GABRR2: variants seen among roughly 807,000 people sequenced by gnomAD.
The protein encoded by GABRR2 is gamma-aminobutyric acid type A receptor subunit rho2.
GABRR2 carries 36 observed loss-of-function variants against 47.0 expected under a neutral mutation model. The ratio of observed to expected loss-of-function variants is 0.77; its 90% confidence interval spans 0.59 to 1.01. The LOEUF (loss-of-function observed/expected upper bound fraction) is 1.01, where lower values mean the gene tolerates loss of function less well. Ranked by LOEUF, GABRR2 falls within the 50% of genes least tolerant of loss-of-function variation. The pLI is 0.00. For synonymous variants in GABRR2, 204 were observed against 227.5 expected, an observed-to-expected ratio of 0.90 and a Z score of 0.93; for missense variants, 587 against 594.6, an observed-to-expected ratio of 0.99 and a Z score of 0.13.
At chr6:89,285,813 C>T (rs952197779) in intron 2 of GABRR2, among the ~76,000 whole-genome samples, 21 of 152,068 alleles carry the variant, frequency 1.4e-4, no homozygotes, top group Middle Eastern at 6.3e-3. Flanking sequence ...CTCCCACTGG[C>T]GCGCCCCCTC....
chr6:89,256,123 G>A lies in GABRR2; in HGVS notation c.*1547C>T, dbSNP rs1773595757. On this transcript the variant is annotated 3_prime_UTR_variant, in exon 9 of 9. Coordinates refer to ENST00000402938, the MANE Select transcript of GABRR2 (RefSeq NM_002043.5). ...TTAAATTTAAATAGACATGTGGCTA[G>A]TGGCTACCATATGAGACAGCCCAGA... Among the ~76,000 whole-genome samples the A allele has an allele frequency of 6.7e-6, 1 of 149,350 alleles. No homozygotes were observed. Among genetic ancestry groups the A allele is most frequent in the Non-Finnish European group, 1.5e-5 (1 of 67,596 alleles).
At chr6:89,294,797 C>A (rs1445060277) in intron 2 of GABRR2, among the ~76,000 whole-genome samples, 3 of 121,902 alleles carry the variant, frequency 2.5e-5, no homozygotes, top group Non-Finnish European at 3.3e-5. Flanking sequence ...CCCCTCCCCC[C>A]ACCCCACAAC....
In GABRR2 at chr6:89,301,965, T is replaced by C; in HGVS notation, c.114-2100A>G. The C allele has an allele frequency of 4.7e-6, 4 of 854,142 alleles. No homozygotes were observed. In the Admixed American group the frequency reaches 5.7e-5, roughly 12 times the overall value. The allele number at this position is 854,142 out of a possible 1,614,324, so 52.9% of individuals were successfully genotyped here. ...AGGCCTCTTCTCATAAGTATGTGCC[T>C]CGGGCCATTCGTCGACCTGGAGCCC... On this transcript the variant is annotated intron_variant, in intron 1 of 8. Transcript: ENST00000402938.
At chr6:89,297,019 G>A (rs1774566427) in intron 2 of GABRR2, among the ~76,000 whole-genome samples, 1 of 151,932 alleles carries the variant, frequency 6.6e-6, no homozygotes, top group South Asian at 2.1e-4. Flanking sequence ...ACTAGCCTTG[G>A]GTAAAAAGGT....
chr6:89,285,089 G>C (rs1346133660), intron 2 of GABRR2, among the ~76,000 whole-genome samples: 6 of 152,160 alleles, frequency 3.9e-5, no homozygotes, highest in Non-Finnish European at 7.3e-5. Context: ...AATTGTGTGG[G>C]GAAACATTTC....
chr6:89,280,211 AATATATATATATATATATATAT>A (rs35295435), intron 2 of GABRR2, among the ~76,000 whole-genome samples: 1,597 of 110,434 alleles, frequency 0.014, 91 homozygotes, highest in African/African-American at 0.053. Flanking sequence ...TCTAAAAACA[AATATATATATATATATATATAT>A]ATATATATAT....
chr6:89,289,187 G>A (rs1227815931), intron 2 of GABRR2, among the ~76,000 whole-genome samples: 1 of 152,204 alleles, frequency 6.6e-6, no homozygotes, highest in Non-Finnish European at 1.5e-5. Context: ...AGATGTGCAG[G>A]GCCAGAGAGC....
At chr6:89,292,631 A>G (rs546822383) in intron 2 of GABRR2, among the ~76,000 whole-genome samples, 1 of 63,464 alleles carries the variant, frequency 1.6e-5, no homozygotes, top group Non-Finnish European at 2.8e-5. Context: ...TATATCAGAT[A>G]TATATCGTAT....
chr6:89,277,872 G>C (rs1774192656), intron 2 of GABRR2, among the ~76,000 whole-genome samples: 3 of 139,478 alleles, frequency 2.2e-5, no homozygotes, highest in African/African-American at 7.8e-5. Flanking sequence ...CGGGGGTGGG[G>C]GGGGGTGGGG....
chr6:89,285,881 C>T (rs1054478523), intron 2 of GABRR2, among the ~76,000 whole-genome samples: 16 of 151,970 alleles, frequency 1.1e-4, no homozygotes, highest in African/African-American at 3.9e-4. Flanking sequence ...CCTCTTTGAC[C>T]TCTCTCCATG....
At chr6:89,298,468 G>A (rs1371125312) in intron 2 of GABRR2, among the ~76,000 whole-genome samples, 2 of 152,144 alleles carry the variant, frequency 1.3e-5, no homozygotes, top group African/African-American at 4.8e-5. Flanking sequence ...AGGCTCAAAG[G>A]ATTGGTGACC....
intron 1 of GABRR2, 91 bp downstream of exon 1, chr6:89,314,962 G>C: frequency 5.4e-6 from 6 of 1,118,092 alleles, no homozygotes; most frequent in Non-Finnish European, 7.9e-6. Flanking sequence ...TATCTCAATA[G>C]GACCTTAGCC....
chr6:89,299,817 C>T lies in GABRR2; in HGVS notation c.162G>A (p.Lys54=), dbSNP rs777673454. The part of the protein sequence containing the change: ...NLDVTKIRKG[K]PQQLLRVDEH... Reference sequence around the variant, plus strand: ...CGTCCACTCTGAGAAGCTGCTGAGGCTTTCCCTTCCGGATCTTGGTCACAT... The same window carrying T: ...CGTCCACTCTGAGAAGCTGCTGAGGTTTTCCCTTCCGGATCTTGGTCACAT... Residue 54 remains lysine, a synonymous_variant, in exon 2 of 9, where the codon AAG becomes AAA. Transcript: ENST00000402938. 11 of 1,613,866 alleles carry T rather than the reference C, an allele frequency of 6.8e-6. No homozygotes were observed. Among genetic ancestry groups the T allele is most frequent in the Non-Finnish European group, 8.5e-6 (10 of 1,179,854 alleles).
At chr6:89,263,672 A>G (rs1376572948) in intron 8 of GABRR2, among the ~76,000 whole-genome samples, 1 of 152,054 alleles carries the variant, frequency 6.6e-6, no homozygotes, top group Non-Finnish European at 1.5e-5. Flanking sequence ...ACAGGCGTGC[A>G]CCACCATGCT....
At chr6:89,290,667 C>T (rs957502696) in intron 2 of GABRR2, among the ~76,000 whole-genome samples, 1 of 152,220 alleles carries the variant, frequency 6.6e-6, no homozygotes, top group African/African-American at 2.4e-5. Context: ...ACAACAGGTC[C>T]TTGCCCTCCA....
At chr6:89,284,885 G>A (rs949322041) in intron 2 of GABRR2, among the ~76,000 whole-genome samples, 3 of 152,188 alleles carry the variant, frequency 2.0e-5, no homozygotes, top group South Asian at 2.1e-4. Flanking sequence ...GGACTAGGGA[G>A]TGTGCTAGAA....
intron 2 of GABRR2, among the ~76,000 whole-genome samples, chr6:89,294,084 G>T (rs1774514857): frequency 1.3e-5 from 2 of 152,056 alleles, no homozygotes; most frequent in Non-Finnish European, 2.9e-5. Flanking sequence ...TAAAAAATTG[G>T]TGCTTGGGTC....
At chr6:89,267,508 A>C (rs1465116565) in intron 6 of GABRR2, among the ~76,000 whole-genome samples, 171 bp downstream of exon 6, 1 of 152,244 alleles carries the variant, frequency 6.6e-6, no homozygotes, top group Non-Finnish European at 1.5e-5. Flanking sequence ...TTGAGGCTGC[A>C]GTGAACCATG....
intron 4 of GABRR2, among the ~76,000 whole-genome samples, chr6:89,268,656 CG>C (rs11304629): frequency 0.62 from 92,370 of 148,340 alleles, 28,898 homozygotes; most frequent in African/African-American, 0.73. Flanking sequence ...TTTTGGGGGA[CG>C]GGGGGGGGCT....
Sources: gnomAD v4.1 joint callset for allele counts (sites outside exome capture counted in the v4.1 genomes callset) on GRCh38, gnomAD v4.1.1 for gene constraint, MANE v1.5 for transcripts, NCBI Gene and HGNC (gene_info 2026-07-23, HGNC 2026-07-21) for gene names.